The following MAP3K7CL variants were observed in gnomAD, a reference collection of about 807,000 sequenced individuals.
MAP3K7CL encodes MAP3K7 C-terminal-like protein.
MAP3K7CL carries 16 observed loss-of-function variants against 18.6 expected under a neutral mutation model. The ratio of observed to expected loss-of-function variants is 0.86; its 90% CI spans 0.58 to 1.31. MAP3K7CL has a LOEUF of 1.31. Among genes scored for constraint, MAP3K7CL ranks in the 50% most tolerant of loss-of-function variants. The pLI, the probability that MAP3K7CL is intolerant of heterozygous loss-of-function variation, is 0.00. For synonymous variants in MAP3K7CL, 65 were observed against 66.8 expected (o/e 0.97, Z 0.13); for missense variants, 163 against 174.4 (o/e 0.93, Z 0.37).
intron 4 of MAP3K7CL, among the ~76,000 whole-genome samples, chr21:29,099,990 G>A (rs1272818720): frequency 1.3e-5 from 2 of 151,720 alleles, no homozygotes; most frequent in Non-Finnish European, 2.9e-5. Context: ...GGCTGAGGCA[G>A]GAGAATGGCG....
intron 3 of MAP3K7CL, among the ~76,000 whole-genome samples, chr21:29,157,345 A>G (rs1470696779): frequency 2.0e-5 from 3 of 152,146 alleles, no homozygotes; most frequent in Non-Finnish European, 4.4e-5. Context: ...ATGCAATATA[A>G]CCTTCCTCTT....
At chr21:29,123,582 G>A (rs2086634679) in intron 4 of MAP3K7CL, among the ~76,000 whole-genome samples, 1 of 152,216 alleles carries the variant, frequency 6.6e-6, no homozygotes, top group African/African-American at 2.4e-5. Context: ...AAGAGTAATT[G>A]TAGATTTATA....
intron 4 of MAP3K7CL, among the ~76,000 whole-genome samples, chr21:29,124,354 A>T (rs2086647814): frequency 6.5e-5 from 2 of 30,928 alleles, no homozygotes; most frequent in African/African-American, 2.2e-4. Context: ...ACTCCGTCTC[A>T]AAAAAAAAAA....
At chr21:29,133,926 T>C (rs186352381) in intron 2 of MAP3K7CL, among the ~76,000 whole-genome samples, 238 of 152,272 alleles carry the variant, frequency 1.6e-3, no homozygotes, top group Non-Finnish European at 1.9e-3. Flanking sequence ...CCTCTCTAAA[T>C]AGTAAGGTCT....
intron 3 of MAP3K7CL, among the ~76,000 whole-genome samples, chr21:29,155,717 C>G (rs968127659): frequency 1.8e-4 from 27 of 152,162 alleles, no homozygotes; most frequent in African/African-American, 6.5e-4. Context: ...AAATATTAAG[C>G]CCTTGCGAGC....
chr21:29,170,648 CT>C (rs1233721598), intron 4 of MAP3K7CL, among the ~76,000 whole-genome samples: 1 of 146,526 alleles, frequency 6.8e-6, no homozygotes, highest in African/African-American at 2.5e-5. Context: ...TTTTTTTTTT[CT>C]TTTTTTTTGG....
At chr21:29,153,380 A>G (rs888852490) in intron 3 of MAP3K7CL, among the ~76,000 whole-genome samples, 2 of 151,778 alleles carry the variant, frequency 1.3e-5, no homozygotes, top group Non-Finnish European at 2.9e-5. Flanking sequence ...AGTGTAGATG[A>G]TATAGTCAGA....
intron 3 of MAP3K7CL, 120 bp downstream of exon 3, chr21:29,149,370 G>A: frequency 3.6e-6 from 3 of 843,240 alleles, no homozygotes; most frequent in Non-Finnish European, 6.0e-6. Context: ...GGGCTTTGAA[G>A]TCATCAAGGA....
intron 1 of MAP3K7CL, among the ~76,000 whole-genome samples, chr21:29,091,013 A>G (rs1027366955): frequency 3.3e-5 from 5 of 152,194 alleles, no homozygotes. Context: ...TAAACATTTT[A>G]TTGAATATTT....
intron 3 of MAP3K7CL, 107 bp downstream of exon 3, chr21:29,149,357 G>A: frequency 1.0e-6 from 1 of 963,698 alleles, no homozygotes; most frequent in South Asian, 1.3e-5. Context: ...GACCCAGAAT[G>A]TGGGGCTTTG....
At chr21:29,078,521 A>G (rs895525872) in intron 1 of MAP3K7CL, among the ~76,000 whole-genome samples, 2 of 151,808 alleles carry the variant, frequency 1.3e-5, no homozygotes, top group African/African-American at 4.9e-5. Flanking sequence ...GCTGGGCATC[A>G]TTGCTGCTTT....
At chr21:29,163,353 T>C (rs2087601349) in intron 4 of MAP3K7CL, among the ~76,000 whole-genome samples, 1 of 127,880 alleles carries the variant, frequency 7.8e-6, no homozygotes, top group African/African-American at 2.6e-5. Flanking sequence ...ATTCTTTCAT[T>C]ATATATATAT....
intron 4 of MAP3K7CL, among the ~76,000 whole-genome samples, chr21:29,172,721 T>A (rs1166098843): frequency 6.6e-6 from 1 of 152,162 alleles, no homozygotes. Context: ...CAATTTTTTT[T>A]AACCAATAGT....
chr21:29,116,376 G>A (rs1050137461), intron 4 of MAP3K7CL, among the ~76,000 whole-genome samples: 8 of 152,182 alleles, frequency 5.3e-5, no homozygotes, highest in Non-Finnish European at 1.0e-4. Flanking sequence ...TGATGGATGA[G>A]TTTTCTCGAG....
chr21:29,094,996 T>C (rs57216667), intron 4 of MAP3K7CL, among the ~76,000 whole-genome samples: 7,683 of 150,316 alleles, frequency 0.051, 446 homozygotes, highest in East Asian at 0.16. Flanking sequence ...AGGCGGAGGT[T>C]GCAGTGAGCT....
chr21:29,162,539 C>T (rs1256969896), intron 4 of MAP3K7CL, among the ~76,000 whole-genome samples: 1 of 150,640 alleles, frequency 6.6e-6, no homozygotes, highest in East Asian at 2.0e-4. Context: ...AAAAATTAGC[C>T]TGGTGTAGTG....
chr21:29,144,677 C>A (rs967493314), intron 2 of MAP3K7CL, among the ~76,000 whole-genome samples: 3 of 152,176 alleles, frequency 2.0e-5, no homozygotes, highest in African/African-American at 7.2e-5. Context: ...GGGGCTGGAC[C>A]AGATGGTTGC....
At chr21:29,109,028 A>G (rs1423392636) in intron 4 of MAP3K7CL, 3 of 1,515,964 alleles carry the variant, frequency 2.0e-6, no homozygotes, top group Non-Finnish European at 2.6e-6. Context: ...AGAAAATTCT[A>G]CTTCCTACTA....
chr21:29,120,727 T>TTTCCTTCCTTCCTTCCTTC (rs2086579141), intron 4 of MAP3K7CL, among the ~76,000 whole-genome samples: 1 of 151,834 alleles, frequency 6.6e-6, no homozygotes, highest in African/African-American at 2.4e-5. Context: ...CTCTCTTTCT[T>TTTCCTTCCTTCCTTCCTTC]TTCCTTCCTT....
Sources: gnomAD v4.1 joint callset for allele counts (sites outside exome capture counted in the v4.1 genomes callset) on GRCh38, gnomAD v4.1.1 for gene constraint, MANE v1.5 for transcripts, NCBI Gene and HGNC (gene_info 2026-07-23, HGNC 2026-07-21) for gene names.